UNKL: variants seen among roughly 807,000 people sequenced by gnomAD.
The protein encoded by UNKL is unk like zinc finger, also known as putative E3 ubiquitin-protein ligase UNKL.
A neutral mutation model predicts 78.0 loss-of-function variants in UNKL; 60 were observed. That is an observed-to-expected ratio of 0.77 (90% CI 0.63 to 0.95). The LOEUF (loss-of-function observed/expected upper bound fraction) is 0.95. UNKL is among the 40% of genes least tolerant of loss of function. UNKL has a pLI of 0.00. For synonymous variants in UNKL, 608 were observed against 474.8 expected (o/e 1.28, Z -3.65); for missense variants, 1,159 against 1,045.7 (o/e 1.11, Z -1.49).
intron 10 of UNKL, chr16:1,383,906 T>C (rs1484286121): frequency 1.1e-5 from 4 of 367,030 alleles, no homozygotes; most frequent in South Asian, 3.8e-5. Context: ...GCAGAGGATG[T>C]AGGAGAGGAA....
intron 14 of UNKL, among the ~76,000 whole-genome samples, chr16:1,366,689 T>C (rs1483946149): frequency 1.3e-5 from 2 of 152,192 alleles, no homozygotes; most frequent in Non-Finnish European, 1.5e-5. Context: ...GTGCCCAGGA[T>C]GTGGGCTACG....
chr16:1,399,299 G>A lies in UNKL; in HGVS notation c.734+75C>T, dbSNP rs1478793601. Reference sequence around the variant, plus strand: ...GCAGCCCTCCCATTAGAACCCCGGGGTGGGCAACGCGAGCCACGGGCCGGG... The same window carrying A: ...GCAGCCCTCCCATTAGAACCCCGGGATGGGCAACGCGAGCCACGGGCCGGG... On this transcript the variant is annotated intron_variant, in intron 5 of 14. Transcript: ENST00000389221. This position sits in a 1 kb window ranked among gnomAD's most constrained non-coding sequence, Gnocchi z 5.8. 2.8e-6 allele frequency: 4 copies of A among 1,451,490 alleles called. No individual in the cohort carries two copies. Among genetic ancestry groups the A allele is most frequent in the African/African-American group, 2.9e-5 (2 of 70,134 alleles). The allele number at this position is 1,451,490 out of a possible 1,614,324, so 89.9% of individuals were successfully genotyped here. A position where few individuals can be genotyped will look rare whatever the true frequency, so the allele number is the denominator to read the frequency against.
Position 1,363,945 on chromosome 16 carries a change from A to G in UNKL, c.*2295T>C, listed in dbSNP as rs994974354. ...GGAGACACCCTGAGGGGCGGGCGCC[A>G]CCTCCTTCCCAGAAAGAGCAGAGCA... On this transcript the variant is annotated 3_prime_UTR_variant, in exon 15 of 15. Coordinates refer to ENST00000389221, the MANE Select transcript of UNKL (RefSeq NM_001372107.1). 2 of 152,122 alleles carry G rather than the reference A, an allele frequency of 1.3e-5. No homozygotes were observed. Among genetic ancestry groups the G allele is most frequent in the Non-Finnish European group, 2.9e-5 (2 of 68,012 alleles). The allele number at this position is 152,122 out of a possible 1,614,324, so 9.4% of individuals were successfully genotyped here.
chr16:1,382,790 T>C (rs1161361920), intron 10 of UNKL, among the ~76,000 whole-genome samples: 1 of 151,296 alleles, frequency 6.6e-6, no homozygotes, highest in Non-Finnish European at 1.5e-5. Flanking sequence ...AAACCTCATC[T>C]CTACTAAAAA....
intron 2 of UNKL, among the ~76,000 whole-genome samples, chr16:1,405,552 GGT>G (rs1380367451): frequency 1.3e-5 from 2 of 151,810 alleles, no homozygotes; most frequent in Admixed American, 6.6e-5. Context: ...CTCCAGGCTG[GGT>G]GACAAGGGCA....
Position 1,365,717 on chromosome 16 carries a change from C to T in UNKL, c.*523G>A, listed in dbSNP as rs1415373623. On this transcript the variant is annotated 3_prime_UTR_variant, in exon 15 of 15. Transcript: ENST00000389221. ...TATGAAATCTAATATATTTAGCATA[C>T]TATGAATTGACAATAAACTGATATG... is the stretch of plus-strand genomic sequence containing the variant. 1 of 152,588 alleles carries T rather than the reference C, an allele frequency of 6.6e-6. No individual in the cohort carries two copies. Among genetic ancestry groups the T allele is most frequent in the African/African-American group, 2.4e-5 (1 of 41,392 alleles). 9.5% of individuals were successfully genotyped at this position (152,588 alleles called of 1,614,324 possible). A position where few individuals can be genotyped will look rare whatever the true frequency, so the allele number is the denominator to read the frequency against.
In UNKL at chr16:1,387,351, C is replaced by T. The variant is rs970123042; in HGVS notation, c.1087-1966G>A. ...CAGCCCAGAAACACTATGGGTGATT[C>T]GAGACCTGGTGCCATCTCAGTGGCA... On this transcript the variant is annotated intron_variant, in intron 9 of 14. Transcript: ENST00000389221. This position sits in a 1 kb window ranked among gnomAD's most constrained non-coding sequence, Gnocchi z 4.1. Among the ~76,000 whole-genome samples, 1 of 152,182 alleles carries T rather than the reference C, an allele frequency of 6.6e-6. No individual in the cohort carries two copies. The highest frequency in any genetic ancestry group is 1.5e-5 in the Non-Finnish European group (1 of 68,014).
chr16:1,393,063 G>A, intron 7 of UNKL, 87 bp from the exon 8 acceptor site: 3 of 1,346,622 alleles, frequency 2.2e-6, no homozygotes, highest in Non-Finnish European at 3.1e-6. Flanking sequence ...CGTCAGGGCC[G>A]AGTGTGCGCA....
chr16:1,393,743 C>T (rs753684025), intron 7 of UNKL, among the ~76,000 whole-genome samples: 1 of 152,178 alleles, frequency 6.6e-6, no homozygotes, highest in Non-Finnish European at 1.5e-5. Context: ...GGGTGCCTGG[C>T]AAGATGGCAG....
chr16:1,366,937 T>C (rs1285382177), intron 14 of UNKL, among the ~76,000 whole-genome samples, 155 bp downstream of exon 14: 1 of 112,324 alleles, frequency 8.9e-6, no homozygotes, highest in Admixed American at 9.2e-5. Context: ...CAGGGGGCTG[T>C]GCTGGGGTGG....
chr16:1,414,116 T>C, intron 1 of UNKL, 61 bp from the exon 2 acceptor site: 1 of 1,475,154 alleles, frequency 6.8e-7, no homozygotes, highest in Non-Finnish European at 9.1e-7. Context: ...CTCGGACTCG[T>C]GGGCGGCGGG....
At chr16:1,377,516 G>T (rs1214372936) in intron 10 of UNKL, among the ~76,000 whole-genome samples, 3 of 151,382 alleles carry the variant, frequency 2.0e-5, no homozygotes, top group Non-Finnish European at 4.4e-5. Flanking sequence ...CACTCCCCCT[G>T]CAGCTGTTTT....
At chr16:1,413,786 T>C (rs2038156278) in intron 2 of UNKL, 60 bp downstream of exon 2, 1 of 1,462,394 alleles carries the variant, frequency 6.8e-7, no homozygotes, top group East Asian at 2.5e-5. Flanking sequence ...CCCGGCCGCA[T>C]CCCCGGGTGG....
At chr16:1,394,874 T>C (rs1468856068) in intron 6 of UNKL, among the ~76,000 whole-genome samples, 1 of 152,148 alleles carries the variant, frequency 6.6e-6, no homozygotes, top group African/African-American at 2.4e-5. Context: ...TCCCGTTTGC[T>C]TGTTCATTTT....
chr16:1,377,930 C>G (rs2036353110), intron 10 of UNKL, among the ~76,000 whole-genome samples: 1 of 152,186 alleles, frequency 6.6e-6, no homozygotes, highest in South Asian at 2.1e-4. Flanking sequence ...CAATAGTAAC[C>G]TTCCTACCAA....
chr16:1,392,400 T>C (rs1026957182), intron 8 of UNKL, among the ~76,000 whole-genome samples: 8 of 151,880 alleles, frequency 5.3e-5, no homozygotes, highest in African/African-American at 1.7e-4. Flanking sequence ...GTCTCCCCCA[T>C]AGCCTTACCT....
At chr16:1,406,191 G>A (rs1181481223) in intron 2 of UNKL, 58 of 367,178 alleles carry the variant, frequency 1.6e-4, no homozygotes, top group Non-Finnish European at 1.5e-4. Flanking sequence ...AGGAACAGGC[G>A]TACTCCCATG....
chr16:1,369,784 G>C (rs1026221954), intron 12 of UNKL: 1 of 707,232 alleles, frequency 1.4e-6, no homozygotes. Flanking sequence ...AGACCGGCCC[G>C]GCCAGCGTGA....
At chr16:1,393,216 A>G (rs1409519581) in intron 7 of UNKL, among the ~76,000 whole-genome samples, 1 of 152,224 alleles carries the variant, frequency 6.6e-6, no homozygotes, top group Admixed American at 6.5e-5. Context: ...GTGAACAAGA[A>G]TAGCTGCCCT....
Sources: allele counts gnomAD v4.1 joint callset (sites outside exome capture counted in the v4.1 genomes callset), GRCh38; gene constraint gnomAD v4.1.1; non-coding constraint Gnocchi (gnomAD v3.1); transcripts MANE v1.5; gene names NCBI Gene and HGNC (gene_info 2026-07-23, HGNC 2026-07-21).